IRF4: variants seen among roughly 807,000 people sequenced by gnomAD.
IRF4 encodes lymphocyte-specific interferon regulatory factor.
In IRF4, 13 loss-of-function variants were observed where a neutral mutation model predicts 55.5. That is an observed-to-expected ratio of 0.23 (90% CI 0.15 to 0.37). The LOEUF is 0.37. IRF4 is among the 10% of genes least tolerant of loss of function. IRF4 has a pLI of 1.00. For synonymous variants in IRF4, 249 were observed against 240.7 expected (o/e 1.03, Z -0.32); for missense variants, 397 against 593.8 (o/e 0.67, Z 3.44).
rs987737036 is a variant in IRF4, at chr6:409,060, A to G, written c.*1462A>G. The G allele has an allele frequency of 5.1e-5, 11 of 216,052 alleles. No individual in the cohort carries two copies. Among genetic ancestry groups the G allele is most frequent in the Admixed American group, 2.9e-4 (5 of 17,156 alleles). The allele number at this position is 216,052 out of a possible 1,614,324, so 13.4% of individuals were successfully genotyped here. ...TTTCTCATACTACAGGATATTTACTATTACTCCCAGGATCAGCAGAAGATT... is the reference window on the plus strand; with the variant it reads ...TTTCTCATACTACAGGATATTTACTGTTACTCCCAGGATCAGCAGAAGATT... On this transcript the variant is annotated 3_prime_UTR_variant, in exon 9 of 9. Coordinates refer to ENST00000380956, the MANE Select transcript of IRF4 (RefSeq NM_002460.4).
chr6:393,068 G>A lies in IRF4; in HGVS notation c.-55-30G>A. On this transcript the variant is annotated intron_variant, in intron 1 of 8. Coordinates refer to ENST00000380956, the MANE Select transcript of IRF4 (RefSeq NM_002460.4). The surrounding 1 kb of genome is among the most constrained non-coding windows in gnomAD (Gnocchi z 5.4). Reference sequence around the variant, plus strand: ...CGGGGTGCCCGGAGTGCGGTGCCTCGTGGCTGAAGGGCAGCTCTTCTCCCC... The same window carrying A: ...CGGGGTGCCCGGAGTGCGGTGCCTCATGGCTGAAGGGCAGCTCTTCTCCCC... 7.8e-7 allele frequency: 1 copy of A among 1,288,536 alleles called. No homozygotes were observed. Among genetic ancestry groups the A allele is most frequent in the Non-Finnish European group, 1.1e-6 (1 of 939,596 alleles). The allele number at this position is 1,288,536 out of a possible 1,614,324, so 79.8% of individuals were successfully genotyped here.
rs200303421 is a variant in IRF4, at chr6:394,918, A to G, written c.314A>G (p.Asn105Ser). Residue 105 changes from asparagine (N) to serine (S), a missense_variant, in exon 3 of 9, where the codon AAT becomes AGT. Coordinates refer to ENST00000380956, the MANE Select transcript of IRF4 (RefSeq NM_002460.4). The part of the protein sequence containing the change: ...TRLRCALNKS[N>S]DFEELVERSQ... Reference sequence around the variant, plus strand: ...CTGCGGTGCGCTTTGAACAAGAGCAATGACTTTGAGGAACTGGTTGAGCGG... The same window carrying G: ...CTGCGGTGCGCTTTGAACAAGAGCAGTGACTTTGAGGAACTGGTTGAGCGG... The G allele has an allele frequency of 2.2e-5, 36 of 1,614,122 alleles. No individual in the cohort carries two copies. The highest frequency in any genetic ancestry group is 2.2e-5 in the East Asian group (1 of 44,906).
rs1000698747 is a variant in IRF4 at position 393,205 on chromosome 6, G to T, written c.53G>T (p.Ser18Ile). 1.3e-6 allele frequency: 2 copies of T among 1,559,138 alleles called. No homozygotes were observed. The highest frequency in any genetic ancestry group is 1.7e-6 in the Non-Finnish European group (2 of 1,151,342). Reference sequence around the variant, plus strand: ...GGAGAGTTCGGCATGAGCGCGGTGAGCTGCGGCAACGGGAAGCTCCGCCAG... The same window carrying T: ...GGAGAGTTCGGCATGAGCGCGGTGATCTGCGGCAACGGGAAGCTCCGCCAG... ...RGGEFGMSAV[S>I]CGNGKLRQWL... Residue 18 changes from serine (S) to isoleucine (I), a missense_variant, in exon 2 of 9, where the codon AGC (serine) becomes ATC (isoleucine). Ser to Ile is a moderately radical substitution (Grantham distance 142, BLOSUM62 -2). Coordinates refer to ENST00000380956, the MANE Select transcript of IRF4 (RefSeq NM_002460.4). The surrounding 1 kb of genome is among the most constrained non-coding windows in gnomAD (Gnocchi z 5.4).
rs201609009 is a variant in IRF4, at chr6:397,066, A to G, written c.493-42A>G. ...CCTGCACTCCTTTACCCCCGTCTCA[A>G]TGCCAGTGCTTCTTATCTCAGCCTC... On this transcript the variant is annotated intron_variant, in intron 4 of 8. Transcript: ENST00000380956. 2.0e-3 allele frequency: 3,220 copies of G among 1,609,210 alleles called. 4 individuals carry two copies. Among genetic ancestry groups the G allele is most frequent in the Non-Finnish European group, 2.5e-3 (2,978 of 1,177,240 alleles).
intron 1 of IRF4, among the ~76,000 whole-genome samples, chr6:392,774 G>A (rs904960239): frequency 6.6e-6 from 1 of 152,236 alleles, no homozygotes; most frequent in African/African-American, 2.4e-5. Flanking sequence ...CAGGAGGGGT[G>A]GCGGCTGGGT....
At position 393,017 on chromosome 6, in the gene IRF4, G is replaced by A. The variant is rs1561709448; in HGVS notation, c.-55-81G>A. Reference sequence around the variant, plus strand: ...GCAGCCTCAAAGACTCCGGGGCCTCGTGGTCACTGGCGCAGGGGATCGGGG... The same window carrying A: ...GCAGCCTCAAAGACTCCGGGGCCTCATGGTCACTGGCGCAGGGGATCGGGG... On this transcript the variant is annotated intron_variant, in intron 1 of 8. Coordinates refer to ENST00000380956, the MANE Select transcript of IRF4 (RefSeq NM_002460.4). This position sits in a 1 kb window ranked among gnomAD's most constrained non-coding sequence, Gnocchi z 5.4. The A allele has an allele frequency of 2.5e-6, 2 of 786,826 alleles. No homozygotes were observed. The highest frequency in any genetic ancestry group is 3.9e-6 in the Non-Finnish European group (2 of 510,558). The allele number at this position is 786,826 out of a possible 1,614,324, so 48.7% of individuals were successfully genotyped here. A position where few individuals can be genotyped will look rare whatever the true frequency, so the allele number is the denominator to read the frequency against.
chr6:400,049 C>T (rs1010845614), intron 6 of IRF4, among the ~76,000 whole-genome samples: 2 of 152,098 alleles, frequency 1.3e-5, no homozygotes, highest in Non-Finnish European at 2.9e-5. Flanking sequence ...AAACCTGCCC[C>T]GAGAATCACC....
Position 407,853 on chromosome 6 carries a change from A to G in IRF4, c.*255A>G, listed in dbSNP as rs1353069190. 9.2e-6 allele frequency: 4 copies of G among 435,550 alleles called. No homozygotes were observed. Among genetic ancestry groups the G allele is most frequent in the Non-Finnish European group, 1.6e-5 (4 of 247,166 alleles). The allele number at this position is 435,550 out of a possible 1,614,324, so 27.0% of individuals were successfully genotyped here. On this transcript the variant is annotated 3_prime_UTR_variant, in exon 9 of 9. Transcript: ENST00000380956. ...TATTTGACTTTAGTGAAAGCGTCCAATTGACTGCCCTCTTACTGTTTTGAG... is the reference window on the plus strand; with the variant it reads ...TATTTGACTTTAGTGAAAGCGTCCAGTTGACTGCCCTCTTACTGTTTTGAG...
intron 4 of IRF4, among the ~76,000 whole-genome samples, chr6:396,492 C>A (rs1384319572): frequency 6.6e-6 from 1 of 152,244 alleles, no homozygotes. Context: ...GGCTGTCAGT[C>A]TAATAAGGGA....
intron 6 of IRF4, among the ~76,000 whole-genome samples, chr6:400,901 G>A (rs999805032): frequency 2.0e-5 from 3 of 152,024 alleles, no homozygotes; most frequent in South Asian, 2.1e-4. Context: ...CTGAAACACC[G>A]TTATATTTTT....
intron 7 of IRF4, among the ~76,000 whole-genome samples, chr6:404,354 C>T (rs1761485380): frequency 6.6e-6 from 1 of 152,138 alleles, no homozygotes; most frequent in Admixed American, 6.5e-5. Flanking sequence ...AGCGGGAGGC[C>T]AGGGGGGCTG....
chr6:402,402 T>C (rs1247931175), intron 7 of IRF4, among the ~76,000 whole-genome samples: 1 of 151,268 alleles, frequency 6.6e-6, no homozygotes, highest in Non-Finnish European at 1.5e-5. Context: ...GCTTCCTCAC[T>C]GGCTTTGTGG....
chr6:399,028 C>A, intron 6 of IRF4, 93 bp downstream of exon 6: 1 of 790,478 alleles, frequency 1.3e-6, no homozygotes, highest in Non-Finnish European at 2.0e-6. Flanking sequence ...GGACTTTAGA[C>A]ACTTGCTTTG....
intron 8 of IRF4, chr6:406,852 TG>T: frequency 8.9e-7 from 1 of 1,129,636 alleles, no homozygotes; most frequent in Non-Finnish European, 1.1e-6. Flanking sequence ...TTGCCTTAGA[TG>T]CTGTAAATTC....
intron 5 of IRF4, among the ~76,000 whole-genome samples, chr6:397,697 A>G (rs1761303038): frequency 6.6e-6 from 1 of 152,238 alleles, no homozygotes; most frequent in Admixed American, 6.5e-5. Context: ...CAAACACATA[A>G]AACGTCTCTA....
chr6:398,970 G>A lies in IRF4; in HGVS notation c.745+35G>A, dbSNP rs769588854. 2.8e-6 allele frequency: 4 copies of A among 1,448,818 alleles called. No homozygotes were observed. The East Asian group carries it at 6.9e-5, about 25-fold the overall frequency. The allele number at this position is 1,448,818 out of a possible 1,614,324, so 89.7% of individuals were successfully genotyped here. ...GGGTTTGCTCCTGGAGGCACCGCAG[G>A]AGGCCAGCCTCTGCTGCCAGCTCTG... On this transcript the variant is annotated intron_variant, in intron 6 of 8. Coordinates refer to ENST00000380956, the MANE Select transcript of IRF4 (RefSeq NM_002460.4).
chr6:392,189 T>C (rs1288192205), intron 1 of IRF4, among the ~76,000 whole-genome samples: 2 of 152,372 alleles, frequency 1.3e-5, no homozygotes, highest in Admixed American at 1.3e-4. Context: ...CCCGGCCCTG[T>C]GGACCCCAAT....
At chr6:400,701 C>G (rs111895026) in intron 6 of IRF4, among the ~76,000 whole-genome samples, 1,783 of 151,956 alleles carry the variant, frequency 0.012, 28 homozygotes, top group African/African-American at 0.04. Context: ...TCAGTGCTTA[C>G]CCTTTAATGT....
chr6:400,333 C>T (rs114143487), intron 6 of IRF4, among the ~76,000 whole-genome samples: 1,729 of 152,242 alleles, frequency 0.011, 31 homozygotes, highest in African/African-American at 0.04. Context: ...CACTCCCCTG[C>T]GGTCTGGCTG....
Sources: allele counts gnomAD v4.1 joint callset (sites outside exome capture counted in the v4.1 genomes callset), GRCh38; gene constraint gnomAD v4.1.1; non-coding constraint Gnocchi (gnomAD v3.1); transcripts MANE v1.5; gene names NCBI Gene and HGNC (gene_info 2026-07-23, HGNC 2026-07-21).